The following AGAP1 variants were observed in gnomAD, a reference collection of about 807,000 sequenced individuals.
The protein encoded by AGAP1 is ArfGAP with GTPase domain, ankyrin repeat and PH domain 1.
In AGAP1, 29 loss-of-function variants were observed where a neutral mutation model predicts 105.3. The ratio of observed to expected loss-of-function variants is 0.28; its 90% confidence interval spans 0.21 to 0.38. The LOEUF (loss-of-function observed/expected upper bound fraction) is 0.38. Ranked by LOEUF, AGAP1 falls within the 10% of genes least tolerant of loss-of-function variation. The pLI is 1.00. For missense variants in AGAP1, 998 were observed against 1,165.1 expected (o/e 0.86, Z 2.09); for synonymous variants, 509 against 485.9 (o/e 1.05, Z -0.63).
At chr2:235,717,865 A>G (rs1951197724) in intron 3 of AGAP1, among the ~76,000 whole-genome samples, 1 of 152,216 alleles carries the variant, frequency 6.6e-6, no homozygotes, top group African/African-American at 2.4e-5. Context: ...ACCATGAAAT[A>G]CTATTGAATT....
chr2:235,860,794 T>C (rs750904979), intron 9 of AGAP1, among the ~76,000 whole-genome samples: 1 of 152,230 alleles, frequency 6.6e-6, no homozygotes, highest in African/African-American at 2.4e-5. Flanking sequence ...AAGAACAACA[T>C]GCCAAATGAT....
Position 235,750,395 on chromosome 2 carries a change from A to C in AGAP1, c.580A>C (p.Arg194=). Residue 194 remains arginine (R), a synonymous_variant, in exon 6 of 18, where the codon AGG becomes CGG. Transcript: ENST00000304032. The surrounding 1 kb of genome is among the most constrained non-coding windows in gnomAD (Gnocchi z 5.3). ...TAACCCGAGGGTCATCGATGACGCCAGGGCGAGGAAGCTCTCCAACGACCT... is the reference window on the plus strand; with the variant it reads ...TAACCCGAGGGTCATCGATGACGCCCGGGCGAGGAAGCTCTCCAACGACCT... The part of the protein sequence containing the change: ...SANPRVIDDA[R]ARKLSNDLKR... The C allele has an allele frequency of 1.2e-6, 2 of 1,614,214 alleles. No homozygotes were observed. Among genetic ancestry groups the C allele is most frequent in the Non-Finnish European group, 1.7e-6 (2 of 1,180,036 alleles).
At chr2:235,759,164 C>CT (rs560528348) in intron 6 of AGAP1, among the ~76,000 whole-genome samples, 2,298 of 104,030 alleles carry the variant, frequency 0.022, 74 homozygotes, top group African/African-American at 0.05. Context: ...TGATGTCATT[C>CT]TTTTTTTTTT....
chr2:235,949,007 A>G (rs1243042147), intron 12 of AGAP1, among the ~76,000 whole-genome samples: 1 of 152,232 alleles, frequency 6.6e-6, no homozygotes, highest in Non-Finnish European at 1.5e-5. Flanking sequence ...GATTAAGCGA[A>G]TTATAATTTT....
chr2:236,046,375 C>T lies in AGAP1; in HGVS notation c.1892-2684C>T, dbSNP rs2057717805. Among the ~76,000 whole-genome samples the T allele has an allele frequency of 6.6e-6, 1 of 152,322 alleles. No individual in the cohort carries two copies. The highest frequency in any genetic ancestry group is 1.9e-4 in the East Asian group (1 of 5,170). On this transcript the variant is annotated intron_variant, in intron 15 of 17. Coordinates refer to ENST00000304032, the MANE Select transcript of AGAP1 (RefSeq NM_001037131.3). The surrounding 1 kb of genome is among the most constrained non-coding windows in gnomAD (Gnocchi z 5.2). ...GGGAAGTGACGGGCAAGGCCGCAGA[C>T]AGGAGCCCCTTGCACCCCAGTTGCG...
In AGAP1 at chr2:236,083,624, T is replaced by G. The variant is rs1379485647; in HGVS notation, c.2114+34343T>G. ...AGAAGTACCCCAAATTTGGGAGGCTTTCTTATGATCATTCTTAAATAGTTT... is the reference window on the plus strand; with the variant it reads ...AGAAGTACCCCAAATTTGGGAGGCTGTCTTATGATCATTCTTAAATAGTTT... On this transcript the variant is annotated intron_variant, in intron 16 of 17. Coordinates refer to ENST00000304032, the MANE Select transcript of AGAP1 (RefSeq NM_001037131.3). This position sits in a 1 kb window ranked among gnomAD's most constrained non-coding sequence, Gnocchi z 5.3. Among the ~76,000 whole-genome samples the G allele has an allele frequency of 6.6e-6, 1 of 152,200 alleles. No homozygotes were observed. Among genetic ancestry groups the G allele is most frequent in the African/African-American group, 2.4e-5 (1 of 41,450 alleles).
rs1396873937 is a variant in AGAP1, at chr2:235,515,134, G to A, written c.163+20285G>A. On this transcript the variant is annotated intron_variant, in intron 1 of 17. Coordinates refer to ENST00000304032, the MANE Select transcript of AGAP1 (RefSeq NM_001037131.3). ...AGAACTTGTTTACCCTTCAAGCTGG[G>A]CACTGTGGTAAGTTGACTCTTTGGG... 4.6e-5 allele frequency among the ~76,000 whole-genome samples: 7 copies of A among 152,174 alleles called. No homozygotes were observed. In the East Asian group the frequency reaches 1.3e-3, roughly 29 times the overall value.
intron 13 of AGAP1, among the ~76,000 whole-genome samples, chr2:235,986,682 G>A (rs1395121536): frequency 6.6e-6 from 1 of 152,162 alleles, no homozygotes; most frequent in African/African-American, 2.4e-5. Context: ...TTAATATGAA[G>A]AGATGTTGAA....
rs1955215905 is a variant in AGAP1, at chr2:235,769,145, T to C, written c.673+18657T>C. 6.6e-6 allele frequency among the ~76,000 whole-genome samples: 1 copy of C among 152,196 alleles called. No individual in the cohort carries two copies. The highest frequency in any genetic ancestry group is 2.4e-5 in the African/African-American group (1 of 41,462). On this transcript the variant is annotated intron_variant, in intron 6 of 17. Coordinates refer to ENST00000304032, the MANE Select transcript of AGAP1 (RefSeq NM_001037131.3). The surrounding 1 kb of genome is among the most constrained non-coding windows in gnomAD (Gnocchi z 4.4). ...TATTTTCCCTCTTCTGGGTTCTTAG[T>C]GCCCGTCCCCCGTAGCTCCGTCACA...
intron 1 of AGAP1, among the ~76,000 whole-genome samples, chr2:235,683,368 T>G (rs1392309790): frequency 2.6e-5 from 4 of 152,076 alleles, no homozygotes; most frequent in Admixed American, 2.0e-4. Context: ...AGTAACTATT[T>G]TAGATACCAT....
chr2:235,861,249 C>T (rs771975678), intron 9 of AGAP1, among the ~76,000 whole-genome samples: 9 of 152,270 alleles, frequency 5.9e-5, no homozygotes, highest in Non-Finnish European at 1.2e-4. Flanking sequence ...AGGATTTGTT[C>T]AACATCACTT....
At chr2:236,033,413 T>C (rs955283873) in intron 13 of AGAP1, among the ~76,000 whole-genome samples, 86 of 152,226 alleles carry the variant, frequency 5.6e-4, no homozygotes, top group African/African-American at 2.0e-3. Context: ...ACATAATTAA[T>C]CGGGCAGAGC....
chr2:235,516,055 T>TGCTG (rs1553556276), intron 1 of AGAP1, among the ~76,000 whole-genome samples: 3 of 138,630 alleles, frequency 2.2e-5, no homozygotes, highest in Non-Finnish European at 4.7e-5. Flanking sequence ...CATGGGCTCC[T>TGCTG]CTGCTGCTGC....
At chr2:236,070,252 G>A (rs548482127) in intron 16 of AGAP1, among the ~76,000 whole-genome samples, 1 of 152,376 alleles carries the variant, frequency 6.6e-6, no homozygotes, top group South Asian at 2.1e-4. Context: ...TGGCATCAGG[G>A]CGAGTGGTTA....
intron 9 of AGAP1, chr2:235,852,819 A>T (rs1278893900): frequency 2.0e-6 from 3 of 1,514,272 alleles, no homozygotes; most frequent in African/African-American, 1.4e-5. Context: ...GAAGGCCCAC[A>T]ATCAGCCCAG....
In AGAP1 at chr2:236,076,745, AC is replaced by A. The variant is rs2058645457; in HGVS notation, c.2114+27466del. ...GCGCTATGAGCATACCTGGCAACAGACCACTTCCTAGAGAAATGCCTCCAGT... is the reference window on the plus strand; with the variant it reads ...GCGCTATGAGCATACCTGGCAACAGACACTTCCTAGAGAAATGCCTCCAGT... On this transcript the variant is annotated intron_variant, in intron 16 of 17. Coordinates refer to ENST00000304032, the MANE Select transcript of AGAP1 (RefSeq NM_001037131.3). This position sits in a 1 kb window ranked among gnomAD's most constrained non-coding sequence, Gnocchi z 4.4. Among the ~76,000 whole-genome samples the A allele has an allele frequency of 6.6e-6, 1 of 152,166 alleles. No individual in the cohort carries two copies. Among genetic ancestry groups the A allele is most frequent in the Admixed American group, 6.5e-5 (1 of 15,282 alleles).
rs1229205141 is a variant in AGAP1 at position 235,988,408 on chromosome 2, C to T, written c.1645+19785C>T. Among the ~76,000 whole-genome samples, 5 of 152,268 alleles carry T rather than the reference C, an allele frequency of 3.3e-5. No individual in the cohort carries two copies. Among genetic ancestry groups the T allele is most frequent in the Non-Finnish European group, 4.4e-5 (3 of 68,018 alleles). Reference sequence around the variant, plus strand: ...CCTGTCCCTGCTGCCATGAATCAGTCGCACCTGCTTCAGATACTACTCAGA... The same window carrying T: ...CCTGTCCCTGCTGCCATGAATCAGTTGCACCTGCTTCAGATACTACTCAGA... On this transcript the variant is annotated intron_variant, in intron 13 of 17. Transcript: ENST00000304032. The surrounding 1 kb of genome is among the most constrained non-coding windows in gnomAD (Gnocchi z 4.7).
intron 1 of AGAP1, chr2:235,669,648 A>ACCCGCCT (rs1320256663): frequency 6.8e-6 from 1 of 146,884 alleles, no homozygotes; most frequent in Admixed American, 6.8e-5. Context: ...GCCACCCGCC[A>ACCCGCCT]CCCTTCGGCC....
In AGAP1 at chr2:235,549,305, G is replaced by T. The variant is rs1943727935; in HGVS notation, c.163+54456G>T. Reference sequence around the variant, plus strand: ...AGGGATGACTGGAGAGAGCTGGCGAGTGCAGCCTGCTGGGATGCCAGCTCT... The same window carrying T: ...AGGGATGACTGGAGAGAGCTGGCGATTGCAGCCTGCTGGGATGCCAGCTCT... On this transcript the variant is annotated intron_variant, in intron 1 of 17. Coordinates refer to ENST00000304032, the MANE Select transcript of AGAP1 (RefSeq NM_001037131.3). This position sits in a 1 kb window ranked among gnomAD's most constrained non-coding sequence, Gnocchi z 4.2. 6.6e-6 allele frequency among the ~76,000 whole-genome samples: 1 copy of T among 152,214 alleles called. No individual in the cohort carries two copies.
Sources: allele counts gnomAD v4.1 joint callset (sites outside exome capture counted in the v4.1 genomes callset), GRCh38; gene constraint gnomAD v4.1.1; non-coding constraint Gnocchi (gnomAD v3.1); transcripts MANE v1.5; gene names NCBI Gene and HGNC (gene_info 2026-07-23, HGNC 2026-07-21).